The following GRIN2A variants were observed in gnomAD, a reference collection of about 807,000 sequenced individuals.
GRIN2A encodes glutamate ionotropic receptor NMDA type subunit 2A.
Under a neutral mutation model 113.4 loss-of-function variants are expected in GRIN2A, and 22 were observed. That is an observed-to-expected ratio of 0.19 (90% CI 0.14 to 0.28). The LOEUF is 0.28. Among genes scored for constraint, GRIN2A ranks in the 10% least tolerant of loss-of-function variants. The pLI is 1.00. For synonymous variants in GRIN2A, 827 were observed against 738.4 expected (o/e 1.12, Z -1.94); for missense variants, 1,502 against 1,887.0 (o/e 0.80, Z 3.78).
chr16:9,964,256 AG>A (rs1596368248), intron 2 of GRIN2A, among the ~76,000 whole-genome samples: 2 of 152,216 alleles, frequency 1.3e-5, no homozygotes, highest in Admixed American at 6.5e-5. Flanking sequence ...TTACAGTACA[AG>A]TGTGGCCCTG....
intron 2 of GRIN2A, among the ~76,000 whole-genome samples, chr16:10,091,774 C>G (rs567076565): frequency 6.6e-6 from 1 of 152,236 alleles, no homozygotes; most frequent in South Asian, 2.1e-4. Context: ...ACTCAAGAGA[C>G]TATATATTGT....
chr16:10,079,054 T>C (rs1453927804), intron 2 of GRIN2A, among the ~76,000 whole-genome samples: 2 of 152,180 alleles, frequency 1.3e-5, no homozygotes, highest in Non-Finnish European at 2.9e-5. Flanking sequence ...TTGTTGTGCA[T>C]CTGTGAGGAC....
At chr16:9,984,546 C>T (rs1339001770) in intron 2 of GRIN2A, among the ~76,000 whole-genome samples, 1 of 152,258 alleles carries the variant, frequency 6.6e-6, no homozygotes, top group Non-Finnish European at 1.5e-5. Context: ...GAGATAGATG[C>T]CTAGTTTCAT....
intron 11 of GRIN2A, among the ~76,000 whole-genome samples, chr16:9,789,925 G>T (rs557579588): frequency 6.6e-6 from 1 of 152,308 alleles, no homozygotes; most frequent in Admixed American, 6.5e-5. Context: ...CTGTGAACAG[G>T]GCTGGTTTGT....
chr16:9,863,452 T>C (rs1233626303), intron 4 of GRIN2A, among the ~76,000 whole-genome samples: 3 of 152,174 alleles, frequency 2.0e-5, no homozygotes, highest in African/African-American at 7.2e-5. Context: ...AATTGACTCT[T>C]CTGAGGACCT....
At position 9,756,139 on chromosome 16, in the gene GRIN2A, T is replaced by TGC. The variant is rs1900341300; in HGVS notation, c.*7008_*7009dup. On this transcript the variant is annotated 3_prime_UTR_variant, in exon 13 of 13. Transcript: ENST00000330684. ...GGTCACATGGCTGTGTGTGTGTGTG[T>TGC]GCATACCCACACACATGAGAGCATG... 4.4e-6 allele frequency: 1 copy of TGC among 226,736 alleles called. No homozygotes were observed. Among genetic ancestry groups the TGC allele is most frequent in the African/African-American group, 2.2e-5 (1 of 44,984 alleles). The allele number at this position is 226,736 out of a possible 1,614,324, so 14.0% of individuals were successfully genotyped here. A position where few individuals can be genotyped will look rare whatever the true frequency, so the allele number is the denominator to read the frequency against.
chr16:9,826,611 C>G (rs2042393104), intron 9 of GRIN2A, among the ~76,000 whole-genome samples: 1 of 151,716 alleles, frequency 6.6e-6, no homozygotes, highest in East Asian at 1.9e-4. Flanking sequence ...TTTTTGCAGA[C>G]TTTCTTGGTG....
At chr16:10,077,444 C>T (rs915931855) in intron 2 of GRIN2A, among the ~76,000 whole-genome samples, 10 of 152,118 alleles carry the variant, frequency 6.6e-5, no homozygotes, top group African/African-American at 2.4e-4. Flanking sequence ...ATCAGTAAAC[C>T]CAGTACATCC....
intron 2 of GRIN2A, among the ~76,000 whole-genome samples, chr16:10,141,210 G>T (rs1007407274): frequency 6.6e-6 from 1 of 151,970 alleles, no homozygotes; most frequent in South Asian, 2.1e-4. Flanking sequence ...TAAAAAATAG[G>T]CCAGGCACAG....
intron 2 of GRIN2A, among the ~76,000 whole-genome samples, chr16:10,053,618 C>T (rs2047395657): frequency 6.6e-6 from 1 of 152,116 alleles, no homozygotes; most frequent in Non-Finnish European, 1.5e-5. Context: ...AGGTGGATTG[C>T]CCTGGGGAGA....
At chr16:10,105,507 A>G (rs552631940) in intron 2 of GRIN2A, among the ~76,000 whole-genome samples, 127 of 151,988 alleles carry the variant, frequency 8.4e-4, no homozygotes, top group East Asian at 7.7e-3. Flanking sequence ...AAAAAAATCA[A>G]TGGGGGAGGG....
rs1224086581 is a variant in GRIN2A at position 9,760,195 on chromosome 16, C to T, written c.*2954G>A. On this transcript the variant is annotated 3_prime_UTR_variant, in exon 13 of 13. Coordinates refer to ENST00000330684, the MANE Select transcript of GRIN2A (RefSeq NM_001134407.3). ...GTTACGGGAATCTTCTGTGATAGAT[C>T]TATAGTCTCAGGCTTCCAGGCTTCC... 1.3e-5 allele frequency: 3 copies of T among 226,758 alleles called. No homozygotes were observed. Among genetic ancestry groups the T allele is most frequent in the Admixed American group, 1.1e-4 (2 of 17,566 alleles). The allele number at this position is 226,758 out of a possible 1,614,324, so 14.0% of individuals were successfully genotyped here.
At chr16:9,970,952 A>G (rs2045658123) in intron 2 of GRIN2A, 1 of 152,614 alleles carries the variant, frequency 6.6e-6, no homozygotes, top group Non-Finnish European at 1.5e-5. Flanking sequence ...AAATAAAGGA[A>G]GCCTTTCTGG....
At position 9,938,034 on chromosome 16, in the gene GRIN2A, G is replaced by T. The variant is rs754698963; in HGVS notation, c.932C>A (p.Ser311Tyr). The T allele has an allele frequency of 5.0e-6, 8 of 1,614,058 alleles. No individual in the cohort carries two copies. The highest frequency in any genetic ancestry group is 6.8e-6 in the Non-Finnish European group (8 of 1,179,998). Residue 311 changes from serine (S) to tyrosine (Y), a missense_variant, in exon 3 of 13, where the codon TCC (serine) becomes TAC (tyrosine). By Grantham distance (144) the Ser-to-Tyr change is moderately radical. Coordinates refer to ENST00000330684, the MANE Select transcript of GRIN2A (RefSeq NM_001134407.3). ...TAASSMLEKF[S>Y]YIPEAKASCY... ...GCTGGCCTTGGCCTCGGGGATGTAG[G>T]AGAACTTCTCCAGCATAGAAGATGC...
intron 2 of GRIN2A, among the ~76,000 whole-genome samples, chr16:10,105,836 G>T (rs371996159): frequency 6.6e-6 from 1 of 152,346 alleles, no homozygotes; most frequent in African/African-American, 2.4e-5. Context: ...GAACCCAGGA[G>T]GTGGGGGTTG....
intron 2 of GRIN2A, among the ~76,000 whole-genome samples, chr16:9,999,217 C>T (rs1027617012): frequency 1.3e-5 from 2 of 152,162 alleles, no homozygotes; most frequent in Non-Finnish European, 2.9e-5. Flanking sequence ...AATCCAAGTT[C>T]TGGTATCAGA....
intron 3 of GRIN2A, among the ~76,000 whole-genome samples, chr16:9,922,900 G>T (rs2044384171): frequency 6.6e-6 from 1 of 151,990 alleles, no homozygotes; most frequent in Non-Finnish European, 1.5e-5. Flanking sequence ...TTGTTTTATG[G>T]CCTAGAATAT....
intron 10 of GRIN2A, among the ~76,000 whole-genome samples, chr16:9,815,927 G>C (rs1308703658): frequency 6.6e-6 from 1 of 152,228 alleles, no homozygotes; most frequent in African/African-American, 2.4e-5. Context: ...ATGAAATACT[G>C]TTTAGCCTTA....
chr16:9,901,516 A>G (rs942173211), intron 3 of GRIN2A, among the ~76,000 whole-genome samples: 3 of 152,146 alleles, frequency 2.0e-5, no homozygotes, highest in Admixed American at 6.5e-5. Context: ...CTGGAGTGCA[A>G]TGGTGCGACC....
Sources: gnomAD v4.1 joint callset for allele counts (sites outside exome capture counted in the v4.1 genomes callset) on GRCh38, gnomAD v4.1.1 for gene constraint, MANE v1.5 for transcripts, NCBI Gene and HGNC (gene_info 2026-07-23, HGNC 2026-07-21) for gene names.